Variants in NIBAN1 observed in about 807,000 individuals in gnomAD.
The protein encoded by NIBAN1 is niban apoptosis regulator 1.
In NIBAN1, 81 loss-of-function variants were observed where a neutral mutation model predicts 75.1. That is an observed-to-expected ratio of 1.08 (90% CI 0.90 to 1.30). The LOEUF is 1.30. NIBAN1 is among the 50% of genes most tolerant of loss of function. The probability of loss-of-function intolerance (pLI) is 0.00; values close to 1 mark genes in which losing one functional copy is unlikely to be tolerated. For missense variants in NIBAN1, 1,133 were observed against 1,128.1 expected (o/e 1.00, Z -0.06); for synonymous variants, 436 against 424.8 (o/e 1.03, Z -0.32).
At chr1:184,900,463 GT>G (rs1656923725) in intron 1 of NIBAN1, among the ~76,000 whole-genome samples, 1 of 152,160 alleles carries the variant, frequency 6.6e-6, no homozygotes, top group Non-Finnish European at 1.5e-5. Context: ...TATAAGTACA[GT>G]ACGAAAGTCC....
chr1:184,961,925 AG>A (rs1658661396), intron 1 of NIBAN1, among the ~76,000 whole-genome samples: 2 of 152,224 alleles, frequency 1.3e-5, no homozygotes, highest in Non-Finnish European at 2.9e-5. Context: ...CAAGCATAAG[AG>A]ACCTGGGCCA....
chr1:184,796,496 G>A (rs1475919575), intron 13 of NIBAN1, among the ~76,000 whole-genome samples: 1 of 152,168 alleles, frequency 6.6e-6, no homozygotes, highest in Non-Finnish European at 1.5e-5. Flanking sequence ...CTAGGGCAGG[G>A]CCAGGCCTTA....
chr1:184,807,553 C>T (rs182751436), intron 10 of NIBAN1, among the ~76,000 whole-genome samples: 3 of 152,032 alleles, frequency 2.0e-5, no homozygotes, highest in Non-Finnish European at 2.9e-5. Context: ...TTTGGGAGGC[C>T]GAGGTGGGCA....
At chr1:184,958,551 G>A (rs921624431) in intron 1 of NIBAN1, among the ~76,000 whole-genome samples, 3 of 152,072 alleles carry the variant, frequency 2.0e-5, no homozygotes, top group Non-Finnish European at 2.9e-5. Context: ...ATGTATACTT[G>A]GAATTTCTAA....
At chr1:184,970,445 C>G (rs1415917619) in intron 1 of NIBAN1, among the ~76,000 whole-genome samples, 2 of 152,184 alleles carry the variant, frequency 1.3e-5, no homozygotes, top group African/African-American at 4.8e-5. Context: ...CAGCTCTCCC[C>G]ATCCTCCACC....
chr1:184,905,655 G>T (rs1341975289), intron 1 of NIBAN1, among the ~76,000 whole-genome samples: 1 of 152,000 alleles, frequency 6.6e-6, no homozygotes. Flanking sequence ...GTCCCAACCC[G>T]AGTAGAAACC....
intron 1 of NIBAN1, among the ~76,000 whole-genome samples, chr1:184,906,169 T>C (rs1315323546): frequency 6.6e-6 from 1 of 151,442 alleles, no homozygotes; most frequent in African/African-American, 2.4e-5. Context: ...TGAGGCAGAG[T>C]ATTGCTTGAG....
At chr1:184,806,134 C>T (rs904687110) in intron 10 of NIBAN1, 78 bp from the exon 11 acceptor site, 27 of 1,170,968 alleles carry the variant, frequency 2.3e-5, no homozygotes, top group Non-Finnish European at 3.3e-5. Context: ...CTAAGTGGGA[C>T]TGCAGAGTAG....
At chr1:184,864,865 A>G (rs1190422971) in intron 5 of NIBAN1, among the ~76,000 whole-genome samples, 1 of 151,720 alleles carries the variant, frequency 6.6e-6, no homozygotes, top group African/African-American at 2.4e-5. Flanking sequence ...AACTTAAAGT[A>G]TAATAATAAT....
intron 1 of NIBAN1, among the ~76,000 whole-genome samples, chr1:184,948,760 A>G (rs1163679834): frequency 1.3e-5 from 2 of 152,176 alleles, no homozygotes; most frequent in Non-Finnish European, 2.9e-5. Flanking sequence ...GAGTGGCAGT[A>G]TACCGATTTG....
At chr1:184,796,317 T>G (rs529752966) in intron 13 of NIBAN1, among the ~76,000 whole-genome samples, 1 of 152,300 alleles carries the variant, frequency 6.6e-6, no homozygotes, top group East Asian at 1.9e-4. Flanking sequence ...TGCAGGACAT[T>G]TAACATGGGA....
At chr1:184,939,186 G>A (rs1238591574) in intron 1 of NIBAN1, among the ~76,000 whole-genome samples, 1 of 152,216 alleles carries the variant, frequency 6.6e-6, no homozygotes, top group Non-Finnish European at 1.5e-5. Context: ...ACACAAAGGT[G>A]AGATACAGCA....
At chr1:184,884,875 AG>A in intron 4 of NIBAN1, 75 bp from the exon 5 acceptor site, 1 of 1,529,806 alleles carries the variant, frequency 6.5e-7, no homozygotes, top group East Asian at 2.3e-5. Flanking sequence ...TCAGGTCGTG[AG>A]GGTGACTATC....
chr1:184,960,905 C>T (rs1658618488), intron 1 of NIBAN1, among the ~76,000 whole-genome samples: 1 of 152,056 alleles, frequency 6.6e-6, no homozygotes, highest in African/African-American at 2.4e-5. Context: ...GCTGGGATTA[C>T]AGGCGTAAGC....
chr1:184,913,405 G>A (rs891065243), intron 1 of NIBAN1, among the ~76,000 whole-genome samples: 3 of 151,950 alleles, frequency 2.0e-5, no homozygotes, highest in Non-Finnish European at 1.5e-5. Context: ...TTATATAGGT[G>A]TAGAAAGTTA....
intron 3 of NIBAN1, among the ~76,000 whole-genome samples, chr1:184,892,101 A>G (rs541328621): frequency 6.6e-6 from 1 of 152,360 alleles, no homozygotes; most frequent in African/African-American, 2.4e-5. Context: ...TGTTAAATGC[A>G]GTGAAAAACT....
chr1:184,932,398 C>A (rs1657846930), intron 1 of NIBAN1, among the ~76,000 whole-genome samples: 1 of 152,178 alleles, frequency 6.6e-6, no homozygotes, highest in East Asian at 1.9e-4. Flanking sequence ...TAGTTAGATT[C>A]TCATAAGGAT....
chr1:184,928,736 C>T (rs924956798), intron 1 of NIBAN1, among the ~76,000 whole-genome samples: 1 of 152,118 alleles, frequency 6.6e-6, no homozygotes, highest in African/African-American at 2.4e-5. Flanking sequence ...TTCAAGACTG[C>T]CTCTCCCACC....
At chr1:184,969,551 A>T (rs781409107) in intron 1 of NIBAN1, among the ~76,000 whole-genome samples, 1 of 152,162 alleles carries the variant, frequency 6.6e-6, no homozygotes, top group Non-Finnish European at 1.5e-5. Flanking sequence ...ACCAGCTGGC[A>T]ACATAATCCC....
Sources: allele counts gnomAD v4.1 joint callset (sites outside exome capture counted in the v4.1 genomes callset), GRCh38; gene constraint gnomAD v4.1.1; transcripts MANE v1.5; gene names NCBI Gene and HGNC (gene_info 2026-07-23, HGNC 2026-07-21).